HSD17B12: variants seen among roughly 807,000 people sequenced by gnomAD.
HSD17B12 encodes hydroxysteroid 17-beta dehydrogenase 12.
HSD17B12 carries 32 observed loss-of-function variants against 39.3 expected under a neutral mutation model. The ratio of observed to expected loss-of-function variants is 0.81; its 90% CI spans 0.61 to 1.09. The LOEUF is 1.09. HSD17B12 is among the 50% of genes least tolerant of loss of function. HSD17B12 has a pLI of 0.00. For synonymous variants in HSD17B12, 150 were observed against 146.7 expected, an observed-to-expected ratio of 1.02 and a Z score of -0.16; for missense variants, 342 against 382.9, an observed-to-expected ratio of 0.89 and a Z score of 0.89.
chr11:43,656,481 A>G, the HSD17B12 span, among the ~76,000 whole-genome samples: 1 of 151,932 alleles, frequency 6.6e-6, no homozygotes, highest in Non-Finnish European at 1.5e-5. Context: ...TAGGTCTTTT[A>G]ATTGTGATGT....
chr11:43,691,251 C>T (rs987340556), intron 1 of HSD17B12, among the ~76,000 whole-genome samples: 1 of 152,178 alleles, frequency 6.6e-6, no homozygotes, highest in Non-Finnish European at 1.5e-5. Context: ...GGTAACCAGG[C>T]ATGGTCTCTA....
intron 6 of HSD17B12, among the ~76,000 whole-genome samples, chr11:43,823,516 C>T (rs1325757911): frequency 6.6e-6 from 1 of 152,116 alleles, no homozygotes; most frequent in Non-Finnish European, 1.5e-5. Flanking sequence ...AGCGATCCTC[C>T]TGCCTCAGCT....
At chr11:43,609,029 G>A in the HSD17B12 span, among the ~76,000 whole-genome samples, 4 of 151,934 alleles carry the variant, frequency 2.6e-5, no homozygotes, top group East Asian at 7.8e-4. Flanking sequence ...GGGCTCAGAT[G>A]ATCCTCCCAC....
At chr11:43,821,948 G>A (rs1294849871) in intron 6 of HSD17B12, among the ~76,000 whole-genome samples, 2 of 152,136 alleles carry the variant, frequency 1.3e-5, no homozygotes, top group Non-Finnish European at 2.9e-5. Context: ...TGCCCAAACA[G>A]TATTACCTGA....
chr11:43,581,903 A>C, the HSD17B12 span, among the ~76,000 whole-genome samples: 1 of 152,192 alleles, frequency 6.6e-6, no homozygotes, highest in Non-Finnish European at 1.5e-5. The surrounding 1 kb of genome is among the most constrained non-coding windows in gnomAD (Gnocchi z 4.9). Flanking sequence ...TTTTGTGGTC[A>C]TTTTTGACCG....
the HSD17B12 span, among the ~76,000 whole-genome samples, chr11:43,622,565 G>C: frequency 2.0e-5 from 3 of 152,014 alleles, no homozygotes; most frequent in Admixed American, 6.6e-5. Flanking sequence ...GGTATAAATA[G>C]ATAAAGTGAT....
intron 6 of HSD17B12, among the ~76,000 whole-genome samples, chr11:43,826,964 A>G (rs909811379): frequency 6.6e-6 from 1 of 152,228 alleles, no homozygotes; most frequent in Non-Finnish European, 1.5e-5. Flanking sequence ...GTTAATGATT[A>G]CAGTTGAAAA....
intron 1 of HSD17B12, chr11:43,734,315 G>T: frequency 9.0e-7 from 1 of 1,106,264 alleles, no homozygotes. Context: ...CAAAAAGGTG[G>T]CTCAGCAGGA....
intron 9 of HSD17B12, chr11:43,852,168 C>A (rs1374282543): frequency 6.6e-6 from 1 of 152,166 alleles, no homozygotes; most frequent in African/African-American, 2.4e-5. Context: ...TGTCCCCACC[C>A]CTTGATCTGG....
intron 1 of HSD17B12, among the ~76,000 whole-genome samples, chr11:43,689,737 C>T (rs1482884293): frequency 2.0e-5 from 3 of 151,714 alleles, no homozygotes; most frequent in African/African-American, 4.8e-5. Flanking sequence ...TTATTAGAGA[C>T]GGGGTTTCAC....
chr11:43,675,283 G>A, the HSD17B12 span, among the ~76,000 whole-genome samples: 1 of 152,180 alleles, frequency 6.6e-6, no homozygotes, highest in Non-Finnish European at 1.5e-5. Context: ...AGTTATGAAG[G>A]GAGGTCAGGG....
the HSD17B12 span, among the ~76,000 whole-genome samples, chr11:43,636,220 C>A: frequency 6.6e-6 from 1 of 152,180 alleles, no homozygotes; most frequent in East Asian, 1.9e-4. Flanking sequence ...TATGTTGCAC[C>A]GTATTAAACT....
chr11:43,752,934 C>A (rs1201560534), intron 2 of HSD17B12, among the ~76,000 whole-genome samples: 1 of 152,098 alleles, frequency 6.6e-6, no homozygotes, highest in Non-Finnish European at 1.5e-5. Context: ...TCCATAGCTT[C>A]ATTTGCAATA....
intron 8 of HSD17B12, among the ~76,000 whole-genome samples, chr11:43,839,550 G>C (rs944120886): frequency 1.3e-5 from 2 of 152,206 alleles, no homozygotes; most frequent in African/African-American, 4.8e-5. Context: ...CTTGGATCTT[G>C]TCATCCCAAA....
intron 4 of HSD17B12, among the ~76,000 whole-genome samples, chr11:43,800,181 A>G (rs1038114599): frequency 6.6e-6 from 1 of 152,210 alleles, no homozygotes; most frequent in African/African-American, 2.4e-5. Flanking sequence ...CAAATCAGCA[A>G]TCATAACTTA....
chr11:43,560,340 T>A, the HSD17B12 span, among the ~76,000 whole-genome samples: 1 of 152,240 alleles, frequency 6.6e-6, no homozygotes, highest in African/African-American at 2.4e-5. Context: ...GAGAAATAGC[T>A]ATGGATTGCT....
At chr11:43,808,936 A>G (rs968650129) in intron 4 of HSD17B12, among the ~76,000 whole-genome samples, 1 of 152,236 alleles carries the variant, frequency 6.6e-6, no homozygotes, top group African/African-American at 2.4e-5. Flanking sequence ...ACTTTGCATC[A>G]CTTTCCAAAC....
chr11:43,777,318 T>C (rs1420217395), intron 3 of HSD17B12, among the ~76,000 whole-genome samples: 1 of 152,188 alleles, frequency 6.6e-6, no homozygotes, highest in Non-Finnish European at 1.5e-5. Flanking sequence ...AAGAGGTCCT[T>C]CACATCCCTT....
At position 43,855,188 on chromosome 11, in the gene HSD17B12, A is replaced by G; in HGVS notation, c.879A>G (p.Ile293Met). 1 of 1,611,924 alleles carries G rather than the reference A, an allele frequency of 6.2e-7. No individual in the cohort carries two copies. Among genetic ancestry groups the G allele is most frequent in the Admixed American group, 1.7e-5 (1 of 59,636 alleles). Residue 293 changes from isoleucine (I) to methionine (M), a missense_variant, in exon 11 of 11, where the codon ATA becomes ATG. Coordinates refer to ENST00000278353, the MANE Select transcript of HSD17B12 (RefSeq NM_016142.3). ...SNLPSWIYLKIVMNMNKSTRA... is the reference protein window; with the variant it reads ...SNLPSWIYLKMVMNMNKSTRA... ...TGCCTTCTTGGATTTATTTGAAAAT[A>G]GTCATGAATATGAACAAGTCTACAC... is the stretch of plus-strand genomic sequence containing the variant.
Sources: allele counts gnomAD v4.1 joint callset (sites outside exome capture counted in the v4.1 genomes callset), GRCh38; gene constraint gnomAD v4.1.1; non-coding constraint Gnocchi (gnomAD v3.1); transcripts MANE v1.5; gene names NCBI Gene and HGNC (gene_info 2026-07-23, HGNC 2026-07-21).